Variants in RETREG1 observed in about 807,000 individuals in gnomAD.
RETREG1 encodes family with sequence similarity 134 member B.
Under a neutral mutation model 54.8 loss-of-function variants are expected in RETREG1, and 44 were observed. That is an observed-to-expected ratio of 0.80 (90% confidence interval 0.63 to 1.03). The LOEUF (loss-of-function observed/expected upper bound fraction) is 1.03, where lower values mean the gene tolerates loss of function less well. Ranked by LOEUF, RETREG1 falls within the 50% of genes least tolerant of loss-of-function variation. RETREG1 has a pLI of 0.00. For missense variants in RETREG1, 554 were observed against 605.1 expected, an observed-to-expected ratio of 0.92 and a Z score of 0.89; for synonymous variants, 217 against 238.5, an observed-to-expected ratio of 0.91 and a Z score of 0.83.
At chr5:16,528,764 G>A (rs1263363524) in intron 3 of RETREG1, among the ~76,000 whole-genome samples, 2 of 152,136 alleles carry the variant, frequency 1.3e-5, no homozygotes, top group Non-Finnish European at 2.9e-5. Flanking sequence ...TTAAAACGGG[G>A]ATGGAGAAAC....
chr5:16,569,287 C>CTTT lies in RETREG1; in HGVS notation c.427+2706_427+2708dup, dbSNP rs59365372. Among the ~76,000 whole-genome samples, 119 of 140,806 alleles carry CTTT rather than the reference C, an allele frequency of 8.5e-4. 1 individual carries two copies. The highest frequency in any genetic ancestry group is 2.9e-3 in the African/African-American group (111 of 37,882). The allele number at this position is 140,806 out of a possible 152,430, so 92.4% of individuals were successfully genotyped here. A position where few individuals can be genotyped will look rare whatever the true frequency, so the allele number is the denominator to read the frequency against. ...ACAGAGTAATCATTCCCATTTCTTT[C>CTTT]TTTTTTTTTTTTTTTTTTTTAATTT... is the stretch of plus-strand genomic sequence containing the variant. On this transcript the variant is annotated intron_variant, in intron 2 of 8. Coordinates refer to ENST00000306320, the MANE Select transcript of RETREG1 (RefSeq NM_001034850.3).
intron 1 of RETREG1, 35 bp downstream of exon 1, chr5:16,616,617 C>T (rs1487497557): frequency 1.1e-5 from 17 of 1,559,424 alleles, no homozygotes; most frequent in East Asian, 9.5e-5. Flanking sequence ...GGTCACCTGC[C>T]CTCCTCAGCG....
At chr5:16,499,366 G>A (rs1265901795) in intron 3 of RETREG1, among the ~76,000 whole-genome samples, 3 of 152,164 alleles carry the variant, frequency 2.0e-5, no homozygotes, top group African/African-American at 4.8e-5. Flanking sequence ...AAACATATAT[G>A]TGCCATATAA....
In RETREG1 at chr5:16,508,706, T is replaced by C. The variant is rs925466958; in HGVS notation, c.459-25234A>G. The C allele has an allele frequency of 7.5e-6, 12 of 1,594,282 alleles. No homozygotes were observed. The African/African-American group carries it at 1.2e-4, about 16-fold the overall frequency. Reference sequence around the variant, plus strand: ...AACAATAGTTTCTTTTCTACTCTAATGCTGAATATCAGGAGGAAAAAAACC... The same window carrying C: ...AACAATAGTTTCTTTTCTACTCTAACGCTGAATATCAGGAGGAAAAAAACC... On this transcript the variant is annotated intron_variant, in intron 3 of 8. Coordinates refer to ENST00000306320, the MANE Select transcript of RETREG1 (RefSeq NM_001034850.3).
At chr5:16,500,461 T>C (rs1260652945) in intron 3 of RETREG1, among the ~76,000 whole-genome samples, 1 of 152,080 alleles carries the variant, frequency 6.6e-6, no homozygotes, top group East Asian at 1.9e-4. Flanking sequence ...AATAATGTCA[T>C]GTGGAAGAAG....
At chr5:16,552,792 A>C (rs986598837) in intron 3 of RETREG1, among the ~76,000 whole-genome samples, 2 of 152,212 alleles carry the variant, frequency 1.3e-5, no homozygotes, top group African/African-American at 4.8e-5. Flanking sequence ...TTGTAACTAG[A>C]ACAACGTTAA....
At chr5:16,562,851 A>G (rs1741896791) in intron 3 of RETREG1, among the ~76,000 whole-genome samples, 1 of 152,214 alleles carries the variant, frequency 6.6e-6, no homozygotes, top group Admixed American at 6.5e-5. Context: ...CCTAGATGGG[A>G]TCCTGAAACA....
chr5:16,473,508 C>T lies in RETREG1; in HGVS notation c.*1233G>A, dbSNP rs767870451. The stretch of plus-strand genomic sequence containing the variant: ...GAGGGTCTCAGATGTCTCTATGCAT[C>T]TGCCAAAATGCCAGCTGTACCTGAA... On this transcript the variant is annotated 3_prime_UTR_variant, in exon 9 of 9. Coordinates refer to ENST00000306320, the MANE Select transcript of RETREG1 (RefSeq NM_001034850.3). 2.0e-5 allele frequency: 3 copies of T among 152,554 alleles called. No homozygotes were observed. Among genetic ancestry groups the T allele is most frequent in the Admixed American group, 1.3e-4 (2 of 15,276 alleles). 9.5% of individuals were successfully genotyped at this position (152,554 alleles called of 1,614,324 possible).
Position 16,517,675 on chromosome 5 carries a change from G to A in RETREG1, c.459-34203C>T, listed in dbSNP as rs1291264624. On this transcript the variant is annotated intron_variant, in intron 3 of 8. Transcript: ENST00000306320. The stretch of plus-strand genomic sequence containing the variant: ...TCAATTCATCATCTGTTGCTGAGGT[G>A]AGGGGCAGCCACATGTTTTTGATCA... Among the ~76,000 whole-genome samples the A allele has an allele frequency of 2.0e-5, 3 of 152,212 alleles. No individual in the cohort carries two copies. In the East Asian group the frequency reaches 5.8e-4, roughly 29 times the overall value.
intron 3 of RETREG1, among the ~76,000 whole-genome samples, chr5:16,518,768 TA>T (rs1740439568): frequency 6.6e-6 from 1 of 152,138 alleles, no homozygotes; most frequent in African/African-American, 2.4e-5. Flanking sequence ...GACTGTTTCG[TA>T]AAAGACATGT....
intron 3 of RETREG1, among the ~76,000 whole-genome samples, chr5:16,532,396 G>A (rs1203932044): frequency 6.6e-6 from 1 of 152,118 alleles, no homozygotes; most frequent in Admixed American, 6.5e-5. Flanking sequence ...ATGGTGGCAC[G>A]CACCTGTAAT....
intron 3 of RETREG1, among the ~76,000 whole-genome samples, chr5:16,526,600 G>A (rs1027417899): frequency 1.3e-5 from 2 of 152,206 alleles, no homozygotes; most frequent in South Asian, 4.1e-4. Flanking sequence ...GTGACAGAAG[G>A]AGATGAGTCA....
chr5:16,535,973 G>A (rs574656824), intron 3 of RETREG1, among the ~76,000 whole-genome samples: 2 of 150,584 alleles, frequency 1.3e-5, no homozygotes, highest in East Asian at 2.0e-4. Context: ...CTGTGTGCAC[G>A]CTGCCTTCAC....
intron 3 of RETREG1, among the ~76,000 whole-genome samples, chr5:16,542,841 G>A (rs182779249): frequency 1.3e-5 from 2 of 152,106 alleles, no homozygotes; most frequent in Admixed American, 6.5e-5. Context: ...CTTTATTGAT[G>A]TATAACTGAC....
At position 16,526,707 on chromosome 5, in the gene RETREG1, T is replaced by C. The variant is rs540766884; in HGVS notation, c.458+39056A>G. On this transcript the variant is annotated intron_variant, in intron 3 of 8. Coordinates refer to ENST00000306320, the MANE Select transcript of RETREG1 (RefSeq NM_001034850.3). ...TACATATCTTAATCCATTATAATCA[T>C]CAATATCAGAATATTAGAAATATTC... Among the ~76,000 whole-genome samples the C allele has an allele frequency of 4.0e-4, 61 of 152,312 alleles. No individual in the cohort carries two copies. In the South Asian group the frequency reaches 5.2e-3, roughly 13 times the overall value.
chr5:16,550,960 A>G lies in RETREG1; in HGVS notation c.458+14803T>C, dbSNP rs560204963. On this transcript the variant is annotated intron_variant, in intron 3 of 8. Transcript: ENST00000306320. ...CGCAGGGAGGAGGATACGGGAATTG[A>G]CTGCTTAATGGTTACAGAATTCCTT... 7.4e-4 allele frequency among the ~76,000 whole-genome samples: 113 copies of G among 152,300 alleles called. 1 individual carries two copies. The South Asian group carries it at 0.017, about 23-fold the overall frequency.
chr5:16,531,174 T>C (rs560434974), intron 3 of RETREG1, among the ~76,000 whole-genome samples: 1 of 152,336 alleles, frequency 6.6e-6, no homozygotes, highest in East Asian at 1.9e-4. Flanking sequence ...ATCTTTATAA[T>C]GTCTTAAAGA....
At chr5:16,480,973 A>G (rs755397639) in intron 5 of RETREG1, 36 bp downstream of exon 5, 1 of 1,437,490 alleles carries the variant, frequency 7.0e-7, no homozygotes, top group East Asian at 2.3e-5. Context: ...TACCATATGC[A>G]TCACAACACT....
chr5:16,588,080 T>A (rs1268286743), intron 1 of RETREG1, among the ~76,000 whole-genome samples: 1 of 152,202 alleles, frequency 6.6e-6, no homozygotes, highest in Non-Finnish European at 1.5e-5. Flanking sequence ...CTTCCAGAGC[T>A]GGGACTGAGG....
Sources: gnomAD v4.1 joint callset for allele counts (sites outside exome capture counted in the v4.1 genomes callset) on GRCh38, gnomAD v4.1.1 for gene constraint, MANE v1.5 for transcripts, NCBI Gene and HGNC (gene_info 2026-07-23, HGNC 2026-07-21) for gene names.